Variants in SPARCL1 observed in about 807,000 individuals in gnomAD.
SPARCL1 encodes SPARC-like protein 1.
In SPARCL1, 52 loss-of-function variants were observed where a neutral mutation model predicts 67.1. The observed-to-expected ratio is 0.78, with a 90% CI of 0.62 to 0.98. The LOEUF (loss-of-function observed/expected upper bound fraction) is 0.98, where lower values mean the gene tolerates loss of function less well. Ranked by LOEUF, SPARCL1 falls within the 50% of genes least tolerant of loss-of-function variation. SPARCL1 has a pLI of 0.00. For missense variants in SPARCL1, 717 were observed against 782.4 expected (o/e 0.92, Z 1.00); for synonymous variants, 226 against 267.8 (o/e 0.84, Z 1.52).
chr4:87,494,757 A>G (rs891264939), intron 3 of SPARCL1, among the ~76,000 whole-genome samples, 159 bp from the exon 4 acceptor site: 1 of 152,202 alleles, frequency 6.6e-6, no homozygotes. Flanking sequence ...TTTAAACTGA[A>G]TTTGGATTTT....
Position 87,493,595 on chromosome 4 carries a change from C to G in SPARCL1, c.1205G>C (p.Gly402Ala), listed in dbSNP as rs764713722. 2.5e-6 allele frequency: 4 copies of G among 1,607,836 alleles called. No homozygotes were observed. Among genetic ancestry groups the G allele is most frequent in the Non-Finnish European group, 3.4e-6 (4 of 1,176,294 alleles). Residue 402 changes from glycine to alanine, a missense_variant, in exon 4 of 11, where the codon GGA becomes GCA. Transcript: ENST00000282470. The part of the protein sequence containing the change: ...ENENIGTTEP[G>A]EHQEAKKAEN... ...AAATAATTTTACCTCTTGGTGCTCTCCAGGCTCAGTGGTACCTATATTTTC... is the reference window on the plus strand; with the variant it reads ...AAATAATTTTACCTCTTGGTGCTCTGCAGGCTCAGTGGTACCTATATTTTC...
At chr4:87,527,928 A>G (rs1372519059) in intron 1 of SPARCL1, among the ~76,000 whole-genome samples, 1 of 152,156 alleles carries the variant, frequency 6.6e-6, no homozygotes, top group East Asian at 1.9e-4. Flanking sequence ...TAAGCTGTGA[A>G]CTGAAAAAAG....
intron 1 of SPARCL1, among the ~76,000 whole-genome samples, chr4:87,515,675 C>T (rs1725551899): frequency 6.6e-6 from 1 of 152,160 alleles, no homozygotes; most frequent in African/African-American, 2.4e-5. Flanking sequence ...GATAGCTAGA[C>T]AGCATTTTAT....
At chr4:87,484,701 C>T (rs1473591737) in intron 7 of SPARCL1, among the ~76,000 whole-genome samples, 1 of 151,872 alleles carries the variant, frequency 6.6e-6, no homozygotes, top group East Asian at 1.9e-4. Flanking sequence ...ATTGATTCTT[C>T]CTATCCATGA....
chr4:87,473,865 A>T lies in SPARCL1; in HGVS notation c.1967-62T>A, dbSNP rs542505998. 3.2e-5 allele frequency: 36 copies of T among 1,138,066 alleles called. No individual in the cohort carries two copies. The African/African-American group carries it at 5.0e-4, about 16-fold the overall frequency. 70.5% of individuals were successfully genotyped at this position (1,138,066 alleles called of 1,614,324 possible). A position where few individuals can be genotyped will look rare whatever the true frequency, so the allele number is the denominator to read the frequency against. On this transcript the variant is annotated intron_variant, in intron 10 of 10. Coordinates refer to ENST00000282470, the MANE Select transcript of SPARCL1 (RefSeq NM_004684.6). ...AAGTAGCCAGAGTAGTAGCACAAAC[A>T]ATATTAGAGTTGGGGGATTAGAGAA...
Position 87,473,730 on chromosome 4 carries a change from G to C in SPARCL1, c.*45C>G. 6.7e-7 allele frequency: 1 copy of C among 1,496,136 alleles called. No homozygotes were observed. Among genetic ancestry groups the C allele is most frequent in the Non-Finnish European group, 9.3e-7 (1 of 1,077,808 alleles). 92.7% of individuals were successfully genotyped at this position (1,496,136 alleles called of 1,614,324 possible). On this transcript the variant is annotated 3_prime_UTR_variant, in exon 11 of 11. Transcript: ENST00000282470. ...GCTGCATATATTTCTGAAGTGGTTA[G>C]AACAGAGGAGGATGCTGGAAAGTTG...
Position 87,493,832 on chromosome 4 carries a change from T to G in SPARCL1, c.968A>C (p.Glu323Ala). The change falls in exon 4 of 11, where the codon GAA (glutamate) becomes GCA (alanine). Residue 323 changes from glutamate to alanine, a missense_variant. Coordinates refer to ENST00000282470, the MANE Select transcript of SPARCL1 (RefSeq NM_004684.6). ...CGTGGTATTACCATCATCAGTAGGT[T>G]CCATGAGCAGAGCCTCAGAAACAGT... ...EKTVSEALLM[E>A]PTDDGNTTPR... The G allele has an allele frequency of 6.2e-7, 1 of 1,614,176 alleles. No homozygotes were observed. Among genetic ancestry groups the G allele is most frequent in the East Asian group, 2.2e-5 (1 of 44,876 alleles).
chr4:87,477,623 A>G (rs190027783), intron 10 of SPARCL1, among the ~76,000 whole-genome samples: 1 of 152,292 alleles, frequency 6.6e-6, no homozygotes, highest in African/African-American at 2.4e-5. Context: ...CCTGTAGACC[A>G]GAGGCCTACA....
intron 10 of SPARCL1, among the ~76,000 whole-genome samples, chr4:87,475,640 C>T (rs956869424): frequency 2.6e-5 from 4 of 152,144 alleles, no homozygotes; most frequent in Non-Finnish European, 5.9e-5. Context: ...TATAAAGTTC[C>T]ACGTTACTAA....
intron 7 of SPARCL1, among the ~76,000 whole-genome samples, chr4:87,488,692 G>T (rs1241754283): frequency 6.6e-6 from 1 of 152,140 alleles, no homozygotes; most frequent in Non-Finnish European, 1.5e-5. Context: ...GCCCACAGCC[G>T]CCCCTTCCCC....
chr4:87,494,914 C>G, intron 3 of SPARCL1, 67 bp downstream of exon 3: 4 of 1,379,516 alleles, frequency 2.9e-6, no homozygotes, highest in Non-Finnish European at 4.0e-6. Flanking sequence ...TCTCTTTTAC[C>G]ATGCTTTGAA....
chr4:87,497,654 CT>C (rs1216267111), intron 2 of SPARCL1, among the ~76,000 whole-genome samples: 1 of 152,336 alleles, frequency 6.6e-6, no homozygotes, highest in East Asian at 1.9e-4. Context: ...AGATACTTAG[CT>C]TTCTAGCAGT....
chr4:87,500,221 C>T (rs1724788824), intron 1 of SPARCL1, among the ~76,000 whole-genome samples: 1 of 152,190 alleles, frequency 6.6e-6, no homozygotes, highest in Admixed American at 6.5e-5. Flanking sequence ...TTCATGACAG[C>T]AGTTGGCTGC....
intron 1 of SPARCL1, among the ~76,000 whole-genome samples, chr4:87,513,450 A>T (rs1725458068): frequency 6.6e-6 from 1 of 152,196 alleles, no homozygotes; most frequent in Admixed American, 6.5e-5. Flanking sequence ...GCCAAGTACT[A>T]AATACTACCT....
At chr4:87,490,439 A>C (rs1724272294) in intron 6 of SPARCL1, 46 bp from the exon 7 acceptor site, 6 of 1,572,664 alleles carry the variant, frequency 3.8e-6, no homozygotes, top group Non-Finnish European at 5.2e-6. Context: ...CCAAATGCTC[A>C]CTGGAAGACA....
chr4:87,475,288 T>C (rs1723540932), intron 10 of SPARCL1, among the ~76,000 whole-genome samples: 1 of 151,914 alleles, frequency 6.6e-6, no homozygotes, highest in Non-Finnish European at 1.5e-5. Flanking sequence ...CTTATTTCTT[T>C]CAACTTCTTT....
chr4:87,499,462 G>A, intron 2 of SPARCL1, 59 bp downstream of exon 2: 3 of 1,315,978 alleles, frequency 2.3e-6, no homozygotes, highest in Admixed American at 1.9e-5. Flanking sequence ...TTTAAATGGA[G>A]GATTTCTGCA....
chr4:87,476,156 T>C (rs1723574313), intron 10 of SPARCL1, among the ~76,000 whole-genome samples: 1 of 152,198 alleles, frequency 6.6e-6, no homozygotes, highest in Non-Finnish European at 1.5e-5. Flanking sequence ...TCTGTTCTTG[T>C]GTTTTCTCAG....
rs139246514 is a variant in SPARCL1, at chr4:87,528,454, T to G, written c.-12+591A>C. ...ATGATAGTAGGAGGCAAAAAATAAT[T>G]AGTTATAAAGCTGTAAAAGGGAACC... is the stretch of plus-strand genomic sequence containing the variant. On this transcript the variant is annotated intron_variant, in intron 1 of 10. Transcript: ENST00000282470. The G allele has an allele frequency of 2.0e-5, 3 of 152,248 alleles. No homozygotes were observed. In the East Asian group the frequency reaches 5.8e-4, roughly 29 times the overall value. The allele number at this position is 152,248 out of a possible 1,614,324, so 9.4% of individuals were successfully genotyped here.
Sources: allele counts gnomAD v4.1 joint callset (sites outside exome capture counted in the v4.1 genomes callset), GRCh38; gene constraint gnomAD v4.1.1; transcripts MANE v1.5; gene names NCBI Gene and HGNC (gene_info 2026-07-23, HGNC 2026-07-21).